RPS29: variants seen among roughly 807,000 people sequenced by gnomAD.
RPS29 encodes ribosomal protein S29, also known as small ribosomal subunit protein uS14.
For synonymous variants in RPS29, 37 were observed against 26.9 expected, an observed-to-expected ratio of 1.37 and a Z score of -1.16; for missense variants, 60 against 75.7, an observed-to-expected ratio of 0.79 and a Z score of 0.77.
exon 3 of RPS29, chr14:49,573,115 A>C (rs1165032216): frequency 6.6e-6 from 1 of 151,950 alleles, no homozygotes; most frequent in Non-Finnish European, 1.5e-5. Context: ...AAAGAAAGAA[A>C]GAAAGAAAGA....
At chr14:49,586,514 G>A (rs1055551384), upstream of RPS29, 1 of 650,200 alleles carries the variant, frequency 1.5e-6, no homozygotes, top group Non-Finnish European at 2.8e-6. Flanking sequence ...AGGCGTTGTG[G>A]GCTGGCCCAG....
At chr14:49,593,380 T>C (rs1881755673) in intron 1 of RPS29, among the ~76,000 whole-genome samples, 1 of 152,126 alleles carries the variant, frequency 6.6e-6, no homozygotes, top group Non-Finnish European at 1.5e-5. Flanking sequence ...AAATTCCTCT[T>C]ACAGTCAACA....
intron 1 of RPS29, among the ~76,000 whole-genome samples, chr14:49,593,397 T>C (rs138504262): frequency 6.6e-6 from 1 of 152,196 alleles, no homozygotes; most frequent in Non-Finnish European, 1.5e-5. Flanking sequence ...AACACTCAAA[T>C]GTGCTGGATA....
At chr14:49,578,844 C>T (rs147608674), downstream of RPS29, among the ~76,000 whole-genome samples, 1,256 of 152,210 alleles carry the variant, frequency 8.3e-3, 16 homozygotes, top group African/African-American at 0.029. Context: ...CAGGCATGAG[C>T]CACCCCGCCC....
upstream of RPS29, among the ~76,000 whole-genome samples, chr14:49,588,985 G>A (rs1011292836): frequency 2.1e-5 from 3 of 140,900 alleles, no homozygotes; most frequent in Non-Finnish European, 3.0e-5. Context: ...TCCGCCTCCC[G>A]GGTTCACGCC....
chr14:49,581,010 A>C (rs1347805390), downstream of RPS29, among the ~76,000 whole-genome samples: 2 of 151,942 alleles, frequency 1.3e-5, no homozygotes, highest in East Asian at 3.9e-4. Context: ...CGGCATGGAG[A>C]AACCCCATCT....
intron 1 of RPS29, among the ~76,000 whole-genome samples, chr14:49,592,503 G>A (rs1881736559): frequency 6.6e-6 from 1 of 151,386 alleles, no homozygotes; most frequent in Non-Finnish European, 1.5e-5. Flanking sequence ...GAGTAGCTGG[G>A]ATTACAGGCA....
At chr14:49,583,421 A>AG (rs1881402337), downstream of RPS29, among the ~76,000 whole-genome samples, 2 of 151,956 alleles carry the variant, frequency 1.3e-5, no homozygotes, top group African/African-American at 4.8e-5. Context: ...TTGGAGGCTG[A>AG]GGCAGGAGGC....
At chr14:49,586,183 C>T in intron 1 of RPS29, 102 bp downstream of exon 1, 2 of 1,410,714 alleles carry the variant, frequency 1.4e-6, no homozygotes, top group Non-Finnish European at 2.0e-6. Context: ...GACTCCCAGT[C>T]GGCGTGCTCC....
At chr14:49,598,459 C>A (rs1881889154) in exon 1 of RPS29, 1 of 702,264 alleles carries the variant, frequency 1.4e-6, no homozygotes, top group South Asian at 1.5e-5. Context: ...CCATATAAAG[C>A]CCCCCTTCGA....
chr14:49,579,594 C>T (rs1162639948), downstream of RPS29, among the ~76,000 whole-genome samples: 1 of 152,178 alleles, frequency 6.6e-6, no homozygotes, highest in Non-Finnish European at 1.5e-5. Context: ...TTGTTTGGGC[C>T]TCTCCTATAG....
chr14:49,586,262 CAAAA>C lies in RPS29; in HGVS notation c.62+19_62+22del. The C allele has an allele frequency of 6.2e-7, 1 of 1,612,402 alleles. No homozygotes were observed. The highest frequency in any genetic ancestry group is 8.5e-7 in the Non-Finnish European group (1 of 1,178,504). ...CTAGCGCTCCACGGCAACGCTTCCC[CAAAA>C]TCACAAACTATTTCTCACCAAGAGC... is the stretch of plus-strand genomic sequence containing the variant. On this transcript the variant is annotated intron_variant, in intron 1 of 2. Transcript: ENST00000245458.
At chr14:49,598,434 C>G (rs1316085973) in exon 1 of RPS29, 8 of 700,992 alleles carry the variant, frequency 1.1e-5, no homozygotes, top group Non-Finnish European at 2.1e-5. Flanking sequence ...GCAGGAATTG[C>G]CAAGTCAAAT....
At chr14:49,597,787 C>G (rs1881867595) in intron 1 of RPS29, 1 of 152,104 alleles carries the variant, frequency 6.6e-6, no homozygotes, top group African/African-American at 2.4e-5. Flanking sequence ...GCTGGGACTA[C>G]AGACACGCGC....
At chr14:49,584,139 A>G (rs529327351) in intron 2 of RPS29, among the ~76,000 whole-genome samples, 3 of 152,312 alleles carry the variant, frequency 2.0e-5, no homozygotes, top group African/African-American at 7.2e-5. Context: ...GGATCATCAT[A>G]CAAGGCTAAT....
At chr14:49,584,464 A>G (rs968874668) in intron 2 of RPS29, among the ~76,000 whole-genome samples, 4 of 152,212 alleles carry the variant, frequency 2.6e-5, no homozygotes, top group African/African-American at 9.7e-5. Flanking sequence ...TGCAGTATTC[A>G]TATTAACAAT....
exon 3 of RPS29, chr14:49,575,232 G>T (rs966122477): frequency 2.0e-5 from 3 of 152,232 alleles, no homozygotes; most frequent in African/African-American, 7.2e-5. Context: ...TAGTAAAGAT[G>T]GGGTTTCACT....
exon 3 of RPS29, chr14:49,574,594 C>T (rs1246169828): frequency 6.6e-6 from 1 of 152,232 alleles, no homozygotes; most frequent in Non-Finnish European, 1.5e-5. Context: ...ATACTTCACT[C>T]TCCTGCCTTT....
exon 3 of RPS29, chr14:49,571,772 C>T (rs906374466): frequency 6.6e-6 from 1 of 152,188 alleles, no homozygotes; most frequent in African/African-American, 2.4e-5. Flanking sequence ...ATGAAAGCTT[C>T]GCATCCAGCG....
Sources: allele counts gnomAD v4.1 joint callset (sites outside exome capture counted in the v4.1 genomes callset), GRCh38; gene constraint gnomAD v4.1.1; transcripts MANE v1.5; gene names NCBI Gene and HGNC (gene_info 2026-07-23, HGNC 2026-07-21).